Variants in SLC5A8 observed in about 807,000 individuals in gnomAD.
SLC5A8 encodes sodium-coupled monocarboxylate transporter 1.
SLC5A8 carries 55 observed loss-of-function variants against 71.9 expected under a neutral mutation model. The observed-to-expected ratio is 0.77, with a 90% confidence interval of 0.62 to 0.96. The LOEUF (loss-of-function observed/expected upper bound fraction) is 0.96. Among genes scored for constraint, SLC5A8 ranks in the 40% least tolerant of loss-of-function variants. The pLI, the probability that SLC5A8 is intolerant of heterozygous loss-of-function variation, is 0.00. For synonymous variants in SLC5A8, 307 were observed against 276.1 expected (o/e 1.11, Z -1.11); for missense variants, 701 against 745.3 (o/e 0.94, Z 0.69).
chr12:101,169,031 G>C (rs771025278), intron 10 of SLC5A8, among the ~76,000 whole-genome samples: 4 of 152,102 alleles, frequency 2.6e-5, no homozygotes, highest in Non-Finnish European at 4.4e-5. Context: ...CTACTTCATG[G>C]AAGAAGAAAA....
At chr12:101,202,636 T>A (rs1869506279) in intron 2 of SLC5A8, among the ~76,000 whole-genome samples, 1 of 152,038 alleles carries the variant, frequency 6.6e-6, no homozygotes, top group Non-Finnish European at 1.5e-5. Flanking sequence ...AAGAAAATAG[T>A]AAAAATTTGG....
chr12:101,158,422 G>C, intron 13 of SLC5A8, 94 bp from the exon 14 acceptor site: 1 of 768,104 alleles, frequency 1.3e-6, no homozygotes, highest in Non-Finnish European at 2.1e-6. Context: ...ACTTGTTCAC[G>C]TTCAACTCCA....
At position 101,198,821 on chromosome 12, in the gene SLC5A8, A is replaced by G. The variant is rs148471099; in HGVS notation, c.469+3343T>C. Among the ~76,000 whole-genome samples the G allele has an allele frequency of 1.1e-4, 17 of 152,096 alleles. No individual in the cohort carries two copies. In the East Asian group the frequency reaches 3.1e-3, roughly 28 times the overall value. ...GTTAGCAAATCGAATTCGGTAATAT[A>G]TAAAAAGGATAATACATTATGAGCA... is the stretch of plus-strand genomic sequence containing the variant. On this transcript the variant is annotated intron_variant, in intron 3 of 14. Coordinates refer to ENST00000536262, the MANE Select transcript of SLC5A8 (RefSeq NM_145913.5).
intron 10 of SLC5A8, among the ~76,000 whole-genome samples, chr12:101,173,539 C>T (rs765529638): frequency 2.0e-5 from 3 of 152,180 alleles, no homozygotes; most frequent in African/African-American, 4.8e-5. Flanking sequence ...GAGGTGAGCC[C>T]GCGTGACTTG....
chr12:101,195,019 G>A (rs1361248761), intron 4 of SLC5A8, 76 bp downstream of exon 4: 20 of 1,399,636 alleles, frequency 1.4e-5, no homozygotes, highest in South Asian at 3.6e-5. Context: ...ACAAGATTGC[G>A]GTATACAACA....
chr12:101,172,580 G>T (rs945991675), intron 10 of SLC5A8, among the ~76,000 whole-genome samples: 2 of 152,270 alleles, frequency 1.3e-5, no homozygotes, highest in African/African-American at 4.8e-5. Context: ...GCAGAGCCCA[G>T]TGTGAGACCT....
rs568823928 is a variant in SLC5A8 at position 101,173,414 on chromosome 12, C to T, written c.1234-5232G>A. 9.2e-5 allele frequency among the ~76,000 whole-genome samples: 14 copies of T among 152,312 alleles called. 2 individuals are homozygous for T. The highest frequency in any genetic ancestry group is 3.4e-4 in the African/African-American group (14 of 41,576). ...GTGGAGGTGGCAGCAGCTTTCTCAG[C>T]CCAAGTGATGACTGGTGACACCTGT... On this transcript the variant is annotated intron_variant, in intron 10 of 14. Coordinates refer to ENST00000536262, the MANE Select transcript of SLC5A8 (RefSeq NM_145913.5).
chr12:101,176,212 T>G (rs2051878512), intron 10 of SLC5A8, among the ~76,000 whole-genome samples: 1 of 151,920 alleles, frequency 6.6e-6, no homozygotes, highest in African/African-American at 2.4e-5. Flanking sequence ...TAATATAAAA[T>G]AAATACACCT....
intron 9 of SLC5A8, among the ~76,000 whole-genome samples, chr12:101,182,512 G>C (rs1346044589): frequency 1.3e-5 from 2 of 152,162 alleles, no homozygotes; most frequent in Admixed American, 1.3e-4. Flanking sequence ...TTTAGGATAG[G>C]ATGAAGGCAC....
At chr12:101,190,879 T>TC (rs1868877206) in intron 5 of SLC5A8, among the ~76,000 whole-genome samples, 1 of 152,168 alleles carries the variant, frequency 6.6e-6, no homozygotes, top group Admixed American at 6.5e-5. Context: ...TAACTTGTTC[T>TC]CCTGTGATCT....
At chr12:101,186,678 G>C (rs1868658152) in intron 7 of SLC5A8, among the ~76,000 whole-genome samples, 1 of 152,132 alleles carries the variant, frequency 6.6e-6, no homozygotes, top group Non-Finnish European at 1.5e-5. Context: ...ATCTTTGAAA[G>C]GCAGATAATC....
chr12:101,209,769 G>A lies in SLC5A8; in HGVS notation c.80C>T (p.Ala27Val). Residue 27 changes from alanine to valine, a missense_variant, in exon 1 of 15, where the codon GCC becomes GTC. Transcript: ENST00000536262. The stretch of plus-strand genomic sequence containing the variant: ...AGCGAAGGCGTAGTAGATGCCGATG[G>A]CGGCCGAGATGACCAGCATGCCCGC... ...VFAGMLVISAAIGIYYAFAGG... is the reference protein window; with the variant it reads ...VFAGMLVISAVIGIYYAFAGG... 1.2e-6 allele frequency: 2 copies of A among 1,611,058 alleles called. No homozygotes were observed. The highest frequency in any genetic ancestry group is 1.7e-6 in the Non-Finnish European group (2 of 1,178,732).
chr12:101,170,828 G>T (rs2051822442), intron 10 of SLC5A8, among the ~76,000 whole-genome samples: 1 of 152,174 alleles, frequency 6.6e-6, no homozygotes, highest in Admixed American at 6.5e-5. Flanking sequence ...TGGCCCAGCA[G>T]TGACAAAGCC....
intron 6 of SLC5A8, 21 bp from the exon 7 acceptor site, chr12:101,187,536 C>A (rs767009658): frequency 6.3e-7 from 1 of 1,581,528 alleles, no homozygotes; most frequent in East Asian, 2.3e-5. Context: ...GAAAACAAAC[C>A]AGCAAAAGAC....
chr12:101,179,449 G>A (rs536295471), intron 10 of SLC5A8, among the ~76,000 whole-genome samples: 1 of 152,284 alleles, frequency 6.6e-6, no homozygotes, highest in South Asian at 2.1e-4. Context: ...CCCTACCAGA[G>A]AATACTATCT....
chr12:101,204,597 C>T (rs865816409), intron 1 of SLC5A8, 32 bp from the exon 2 acceptor site: 1 of 1,482,058 alleles, frequency 6.7e-7, no homozygotes, highest in East Asian at 2.3e-5. Flanking sequence ...TGCGAATCCT[C>T]TGGATGCCTT....
Position 101,156,285 on chromosome 12 carries a change from G to A in SLC5A8, c.*994C>T, listed in dbSNP as rs1566301731. On this transcript the variant is annotated 3_prime_UTR_variant, in exon 15 of 15. Coordinates refer to ENST00000536262, the MANE Select transcript of SLC5A8 (RefSeq NM_145913.5). The stretch of plus-strand genomic sequence containing the variant: ...CAAAAGTTCAACTTAATAGCATTAA[G>A]TGTAGTCATCTAACTCCATGGAGCT... 6.6e-6 allele frequency: 1 copy of A among 152,152 alleles called. No individual in the cohort carries two copies. Among genetic ancestry groups the A allele is most frequent in the Non-Finnish European group, 1.5e-5 (1 of 68,026 alleles). The allele number at this position is 152,152 out of a possible 1,614,324, so 9.4% of individuals were successfully genotyped here. A position where few individuals can be genotyped will look rare whatever the true frequency, so the allele number is the denominator to read the frequency against.
chr12:101,182,927 A>T lies in SLC5A8; in HGVS notation c.1053-12T>A. 6.9e-7 allele frequency: 1 copy of T among 1,457,492 alleles called. No homozygotes were observed. The allele number at this position is 1,457,492 out of a possible 1,614,324, so 90.3% of individuals were successfully genotyped here. A position where few individuals can be genotyped will look rare whatever the true frequency, so the allele number is the denominator to read the frequency against. On this transcript the variant is annotated splice_polypyrimidine_tract_variant and intron_variant, in intron 8 of 14. Coordinates refer to ENST00000536262, the MANE Select transcript of SLC5A8 (RefSeq NM_145913.5). ...TGGAGGACACTGTGCTGTAAGGGAA[A>T]ATAAAACTTTTGATTTATAATATTT...
chr12:101,185,873 T>C (rs1566316545), intron 7 of SLC5A8, among the ~76,000 whole-genome samples: 1 of 152,118 alleles, frequency 6.6e-6, no homozygotes, highest in Non-Finnish European at 1.5e-5. Flanking sequence ...CCACCACGAC[T>C]GAGCGAGGAT....
Sources: gnomAD v4.1 joint callset for allele counts (sites outside exome capture counted in the v4.1 genomes callset) on GRCh38, gnomAD v4.1.1 for gene constraint, MANE v1.5 for transcripts, NCBI Gene and HGNC (gene_info 2026-07-23, HGNC 2026-07-21) for gene names.